The following THEMIS variants were observed in gnomAD, a reference collection of about 807,000 sequenced individuals.
The protein encoded by THEMIS is thymocyte selection associated.
A neutral mutation model predicts 52.6 loss-of-function variants in THEMIS; 37 were observed. The ratio of observed to expected loss-of-function variants is 0.70; its 90% confidence interval spans 0.54 to 0.93. The LOEUF is 0.93. Ranked by LOEUF, THEMIS falls within the 40% of genes least tolerant of loss-of-function variation. The pLI, the probability that THEMIS is intolerant of heterozygous loss-of-function variation, is 0.00. For synonymous variants in THEMIS, 292 were observed against 272.7 expected, an observed-to-expected ratio of 1.07 and a Z score of -0.70; for missense variants, 808 against 763.1, an observed-to-expected ratio of 1.06 and a Z score of -0.69.
At chr6:127,697,661 T>G in the THEMIS span, among the ~76,000 whole-genome samples, 1 of 146,452 alleles carries the variant, frequency 6.8e-6, no homozygotes, top group African/African-American at 2.4e-5. Context: ...TGACTTCAAG[T>G]CTTTTGCAAT....
downstream of THEMIS, among the ~76,000 whole-genome samples, chr6:127,703,879 C>T (rs1226085589): frequency 1.3e-5 from 2 of 152,102 alleles, no homozygotes; most frequent in African/African-American, 4.8e-5. Flanking sequence ...ATTTATTGCT[C>T]ACCATTATGG....
chr6:127,822,305 C>A (rs1229612898), intron 3 of THEMIS, among the ~76,000 whole-genome samples: 1 of 151,936 alleles, frequency 6.6e-6, no homozygotes, highest in Non-Finnish European at 1.5e-5. Flanking sequence ...GGATATTCTG[C>A]AAATTATTTT....
chr6:127,737,411 A>C (rs1430791482), intron 4 of THEMIS, among the ~76,000 whole-genome samples: 1 of 152,170 alleles, frequency 6.6e-6, no homozygotes, highest in Non-Finnish European at 1.5e-5. Context: ...TCAGGACTCC[A>C]AGAGGCTGGT....
downstream of THEMIS, among the ~76,000 whole-genome samples, chr6:127,705,962 C>G (rs1773792437): frequency 6.6e-6 from 1 of 152,116 alleles, no homozygotes; most frequent in Admixed American, 6.6e-5. Flanking sequence ...AGATCCTTCT[C>G]CTATCCTGCT....
chr6:127,786,003 T>C (rs1776936111), intron 4 of THEMIS, among the ~76,000 whole-genome samples: 1 of 152,122 alleles, frequency 6.6e-6, no homozygotes, highest in Admixed American at 6.5e-5. Flanking sequence ...GTAGGAGATC[T>C]TTTTAGGAAG....
chr6:127,821,457 T>C (rs1222600832), intron 3 of THEMIS, among the ~76,000 whole-genome samples: 2 of 152,124 alleles, frequency 1.3e-5, no homozygotes, highest in Non-Finnish European at 2.9e-5. Flanking sequence ...TAGTTTAGAC[T>C]TCCCAGAATT....
At chr6:127,704,295 G>C (rs1035302662), downstream of THEMIS, among the ~76,000 whole-genome samples, 1 of 152,150 alleles carries the variant, frequency 6.6e-6, no homozygotes, top group Non-Finnish European at 1.5e-5. Context: ...TGACAGTTTT[G>C]TATGGGGCCA....
At chr6:127,874,353 A>G (rs1301074854) in intron 1 of THEMIS, among the ~76,000 whole-genome samples, 1 of 152,212 alleles carries the variant, frequency 6.6e-6, no homozygotes, top group Non-Finnish European at 1.5e-5. Flanking sequence ...CTCAACTGTG[A>G]CTAGCACCAT....
At chr6:127,893,241 A>G (rs1780864569) in intron 1 of THEMIS, among the ~76,000 whole-genome samples, 1 of 152,092 alleles carries the variant, frequency 6.6e-6, no homozygotes, top group African/African-American at 2.4e-5. Context: ...TATATGTAAC[A>G]GTAGAAAAAT....
intron 3 of THEMIS, among the ~76,000 whole-genome samples, chr6:127,820,076 G>A (rs1778283619): frequency 6.6e-6 from 1 of 152,016 alleles, no homozygotes; most frequent in Admixed American, 6.6e-5. Flanking sequence ...CGTTATTTGT[G>A]CTATTTGAAA....
chr6:127,801,457 C>T (rs747036450), intron 4 of THEMIS, among the ~76,000 whole-genome samples: 1 of 152,128 alleles, frequency 6.6e-6, no homozygotes, highest in Admixed American at 6.5e-5. Flanking sequence ...TGCCAGGTGT[C>T]TACTGTTAAA....
intron 4 of THEMIS, among the ~76,000 whole-genome samples, chr6:127,797,880 C>T (rs1777383371): frequency 6.6e-6 from 1 of 152,232 alleles, no homozygotes; most frequent in African/African-American, 2.4e-5. Flanking sequence ...AGGACCTTCA[C>T]CTTCCAAGTC....
At chr6:127,763,572 A>G (rs376954225) in intron 4 of THEMIS, among the ~76,000 whole-genome samples, 6 of 152,110 alleles carry the variant, frequency 3.9e-5, no homozygotes, top group African/African-American at 1.4e-4. Flanking sequence ...ATCATGATCC[A>G]TGAAAAAAGT....
chr6:127,896,011 G>T (rs1227665998), intron 1 of THEMIS, among the ~76,000 whole-genome samples: 1 of 151,370 alleles, frequency 6.6e-6, no homozygotes, highest in Non-Finnish European at 1.5e-5. Context: ...CCCATTGGTT[G>T]TGTTCCACAA....
Position 127,780,090 on chromosome 6 carries a change from G to C in THEMIS, c.1758+32793C>G, listed in dbSNP as rs542054204. The stretch of plus-strand genomic sequence containing the variant: ...TATGAATCTGGGTGATCCTGTATTG[G>C]GTGCATATATATTTAGGATAGTAGC... On this transcript the variant is annotated intron_variant, in intron 4 of 5. Transcript: ENST00000368248. Among the ~76,000 whole-genome samples, 3 of 152,118 alleles carry C rather than the reference G, an allele frequency of 2.0e-5. No homozygotes were observed. In the East Asian group the frequency reaches 5.8e-4, roughly 29 times the overall value.
At position 127,854,995 on chromosome 6, in the gene THEMIS, T is replaced by A. The variant is rs561350268; in HGVS notation, c.250+35A>T. On this transcript the variant is annotated intron_variant, in intron 2 of 5. Transcript: ENST00000368248. ...TATATACATATTAATAACAATATAG[T>A]TGTACAAATGATAAGTGGTTGCAAT... is the stretch of plus-strand genomic sequence containing the variant. 267 of 1,556,650 alleles carry A rather than the reference T, an allele frequency of 1.7e-4. 2 individuals are homozygous for A. In the East Asian group the frequency reaches 4.7e-3, roughly 27 times the overall value.
intron 1 of THEMIS, among the ~76,000 whole-genome samples, chr6:127,864,255 G>T (rs1779901911): frequency 6.6e-6 from 1 of 151,768 alleles, no homozygotes; most frequent in Non-Finnish European, 1.5e-5. Context: ...AAAAAATTGG[G>T]ATTTTTTTTT....
At chr6:127,727,757 G>T (rs1005574501) in intron 4 of THEMIS, among the ~76,000 whole-genome samples, 2 of 152,052 alleles carry the variant, frequency 1.3e-5, no homozygotes, top group Admixed American at 6.6e-5. Context: ...CTACCAAAGT[G>T]TTGCTAAAAT....
Position 127,813,705 on chromosome 6 carries a change from C to A in THEMIS, c.936G>T (p.Lys312Asn). The A allele has an allele frequency of 6.2e-7, 1 of 1,614,018 alleles. No homozygotes were observed. Among genetic ancestry groups the A allele is most frequent in the Non-Finnish European group, 8.5e-7 (1 of 1,179,964 alleles). Reference protein sequence around the residue: ...QPGKTIVIHKKYQASRILASE... With the variant: ...QPGKTIVIHKNYQASRILASE... Reference sequence around the variant, plus strand: ...AAGCTAAGATTCTTGATGCCTGGTACTTTTTGTGGATCACAATGGTTTTCC... The same window carrying A: ...AAGCTAAGATTCTTGATGCCTGGTAATTTTTGTGGATCACAATGGTTTTCC... The change falls in exon 4 of 6, where the codon AAG (lysine) becomes AAT (asparagine). Residue 312 changes from lysine to asparagine, a missense_variant. By Grantham distance (94) the Lys-to-Asn change is moderately conservative. Transcript: ENST00000368248.
Sources: gnomAD v4.1 joint callset for allele counts (sites outside exome capture counted in the v4.1 genomes callset) on GRCh38, gnomAD v4.1.1 for gene constraint, MANE v1.5 for transcripts, NCBI Gene and HGNC (gene_info 2026-07-23, HGNC 2026-07-21) for gene names.